Variants in BMPR2 observed in about 807,000 individuals in gnomAD.
BMPR2 encodes bone morphogenetic protein receptor type 2.
BMPR2 carries 29 observed loss-of-function variants against 100.8 expected under a neutral mutation model. That is an observed-to-expected ratio of 0.29 (90% CI 0.21 to 0.39). The LOEUF is 0.39. BMPR2 is among the 10% of genes least tolerant of loss of function. BMPR2 has a pLI of 1.00. For missense variants in BMPR2, 1,011 were observed against 1,274.5 expected (o/e 0.79, Z 3.15); for synonymous variants, 382 against 442.3 (o/e 0.86, Z 1.71).
chr2:202,480,873 T>C (rs1404088855), intron 3 of BMPR2, among the ~76,000 whole-genome samples: 3 of 140,014 alleles, frequency 2.1e-5, no homozygotes, highest in Non-Finnish European at 4.5e-5. Context: ...GAGAATGGCA[T>C]GAATCTGGGA....
In BMPR2 at chr2:202,503,634, G is replaced by A. The variant is rs896681770; in HGVS notation, c.419-10085G>A. On this transcript the variant is annotated intron_variant, in intron 3 of 12. Coordinates refer to ENST00000374580, the MANE Select transcript of BMPR2 (RefSeq NM_001204.7). The surrounding 1 kb of genome is among the most constrained non-coding windows in gnomAD (Gnocchi z 4.0). ...GGGCAGGGCTCGGGACCTGCAGCCCGCCATGCCTGAGCCTCCCACCCCCTC... is the reference window on the plus strand; with the variant it reads ...GGGCAGGGCTCGGGACCTGCAGCCCACCATGCCTGAGCCTCCCACCCCCTC... Among the ~76,000 whole-genome samples the A allele has an allele frequency of 3.3e-5, 5 of 152,296 alleles. No homozygotes were observed. Among genetic ancestry groups the A allele is most frequent in the East Asian group, 1.9e-4 (1 of 5,172 alleles).
At chr2:202,453,399 G>A (rs1176068600) in intron 1 of BMPR2, among the ~76,000 whole-genome samples, 1 of 151,922 alleles carries the variant, frequency 6.6e-6, no homozygotes, top group Non-Finnish European at 1.5e-5. Flanking sequence ...GCCAAGATTT[G>A]GAAGCAACCT....
At chr2:202,524,361 CAA>C (rs768641807) in intron 7 of BMPR2, among the ~76,000 whole-genome samples, 8 of 97,324 alleles carry the variant, frequency 8.2e-5, no homozygotes, top group African/African-American at 8.2e-5. Context: ...GAGTCTGTCT[CAA>C]AAAAAAAAAA....
chr2:202,424,417 G>A (rs984770101), intron 1 of BMPR2, among the ~76,000 whole-genome samples: 2 of 149,566 alleles, frequency 1.3e-5, no homozygotes, highest in Non-Finnish European at 3.0e-5. Context: ...GTGGCCCTAG[G>A]TCTGGCGTGG....
intron 3 of BMPR2, among the ~76,000 whole-genome samples, chr2:202,494,752 TAGG>T (rs996923831): frequency 2.0e-5 from 3 of 152,178 alleles, no homozygotes; most frequent in African/African-American, 4.8e-5. Flanking sequence ...CAACAAAAAA[TAGG>T]AGTTTTCTAG....
intron 3 of BMPR2, among the ~76,000 whole-genome samples, chr2:202,477,193 A>G (rs1035269378): frequency 6.6e-6 from 1 of 152,204 alleles, no homozygotes; most frequent in African/African-American, 2.4e-5. Context: ...ACAAGATAAT[A>G]CACTAAAGTG....
In BMPR2 at chr2:202,563,898, CT is replaced by C. The variant is rs1688714371; in HGVS notation, c.*3957del. 6.6e-6 allele frequency: 1 copy of C among 152,116 alleles called. No homozygotes were observed. The highest frequency in any genetic ancestry group is 2.4e-5 in the African/African-American group (1 of 41,424). The allele number at this position is 152,116 out of a possible 1,614,324, so 9.4% of individuals were successfully genotyped here. A position where few individuals can be genotyped will look rare whatever the true frequency, so the allele number is the denominator to read the frequency against. On this transcript the variant is annotated 3_prime_UTR_variant, in exon 13 of 13. Transcript: ENST00000374580. ...AGGAAGGATACAAGGATATAATGTC[CT>C]TTTTATAAAAGTTTAGTATAGCTTC...
At chr2:202,437,913 G>A (rs750627603) in intron 1 of BMPR2, among the ~76,000 whole-genome samples, 3,064 of 150,570 alleles carry the variant, frequency 0.02, 67 homozygotes, top group South Asian at 0.038. Flanking sequence ...TGTGAATAAT[G>A]CCATTATGAG....
chr2:202,514,597 C>T (rs1687681658), intron 4 of BMPR2, among the ~76,000 whole-genome samples: 1 of 152,166 alleles, frequency 6.6e-6, no homozygotes, highest in African/African-American at 2.4e-5. Flanking sequence ...TGAATAACTT[C>T]TATACAATCT....
At position 202,491,432 on chromosome 2, in the gene BMPR2, A is replaced by AT. The variant is rs889044308; in HGVS notation, c.419-22278dup. ...AAGTACGTCTCTTTTTTTATTTTTT[A>AT]TTTTTTTTTGAGATGGAGTTTCACT... On this transcript the variant is annotated intron_variant, in intron 3 of 12. Transcript: ENST00000374580. Among the ~76,000 whole-genome samples, 74 of 148,428 alleles carry AT rather than the reference A, an allele frequency of 5.0e-4. 1 individual carries two copies. In the East Asian group the frequency reaches 6.3e-3, roughly 13 times the overall value.
Position 202,552,707 on chromosome 2 carries a change from G to T in BMPR2, c.1414-9G>T. 1 of 1,613,558 alleles carries T rather than the reference G, an allele frequency of 6.2e-7. No individual in the cohort carries two copies. Among genetic ancestry groups the T allele is most frequent in the South Asian group, 1.1e-5 (1 of 91,058 alleles). ...AGACACATGGTTTGACATGTACTTT[G>T]TCTTACAGGCAGTGAGGTCACTCAA... On this transcript the variant is annotated splice_polypyrimidine_tract_variant and intron_variant, in intron 10 of 12. Coordinates refer to ENST00000374580, the MANE Select transcript of BMPR2 (RefSeq NM_001204.7).
At chr2:202,547,301 A>C (rs550163172) in intron 10 of BMPR2, among the ~76,000 whole-genome samples, 1 of 152,178 alleles carries the variant, frequency 6.6e-6, no homozygotes, top group African/African-American at 2.4e-5. Context: ...TCGAACTCCT[A>C]AAGTGCTGGG....
intron 1 of BMPR2, among the ~76,000 whole-genome samples, chr2:202,392,427 C>T (rs1396959939): frequency 6.6e-6 from 1 of 151,088 alleles, no homozygotes; most frequent in Non-Finnish European, 1.5e-5. Context: ...AAGTTGTCTT[C>T]TCATCACTGA....
At chr2:202,397,194 AT>A (rs1398942963) in intron 1 of BMPR2, among the ~76,000 whole-genome samples, 1 of 152,234 alleles carries the variant, frequency 6.6e-6, no homozygotes, top group East Asian at 1.9e-4. Flanking sequence ...TTCCTCAAAA[AT>A]ATCATATTTT....
intron 1 of BMPR2, among the ~76,000 whole-genome samples, chr2:202,391,949 A>G (rs547322438): frequency 1.3e-3 from 191 of 151,734 alleles, no homozygotes; most frequent in African/African-American, 4.4e-3. Flanking sequence ...TTTAGTAGAG[A>G]TGAGGTTTCA....
intron 9 of BMPR2, among the ~76,000 whole-genome samples, chr2:202,535,186 C>T (rs1394006211): frequency 1.6e-5 from 2 of 127,660 alleles, no homozygotes; most frequent in East Asian, 4.8e-4. Context: ...GGGGGGCTGA[C>T]CCCCCCCACC....
At chr2:202,478,543 A>G (rs147051430) in intron 3 of BMPR2, among the ~76,000 whole-genome samples, 6 of 152,248 alleles carry the variant, frequency 3.9e-5, no homozygotes, top group African/African-American at 1.4e-4. Context: ...GGATCATTTG[A>G]GCCCAGGAGT....
intron 7 of BMPR2, among the ~76,000 whole-genome samples, chr2:202,525,648 G>A (rs1199133050): frequency 1.3e-5 from 2 of 152,080 alleles, no homozygotes; most frequent in African/African-American, 4.8e-5. Context: ...CTCCAAAAGA[G>A]GCTGGTAATA....
At chr2:202,542,569 C>A (rs1688296769) in intron 10 of BMPR2, 122 bp downstream of exon 10, 1 of 1,202,738 alleles carries the variant, frequency 8.3e-7, no homozygotes, top group Non-Finnish European at 1.2e-6. Flanking sequence ...TGCCACAAAT[C>A]AAACTTGATT....
Sources: gnomAD v4.1 joint callset for allele counts (sites outside exome capture counted in the v4.1 genomes callset) on GRCh38, gnomAD v4.1.1 for gene constraint, Gnocchi (gnomAD v3.1) non-coding constraint, MANE v1.5 for transcripts, NCBI Gene and HGNC (gene_info 2026-07-23, HGNC 2026-07-21) for gene names.